AKT3: variants seen among roughly 807,000 people sequenced by gnomAD.
The protein encoded by AKT3 is RAC-gamma serine/threonine-protein kinase.
AKT3 carries 15 observed loss-of-function variants against 65.3 expected under a neutral mutation model. The ratio of observed to expected loss-of-function variants is 0.23; its 90% CI spans 0.15 to 0.35. The LOEUF (loss-of-function observed/expected upper bound fraction) is 0.35, where lower values mean the gene tolerates loss of function less well. Ranked by LOEUF, AKT3 falls within the 10% of genes least tolerant of loss-of-function variation. AKT3 has a pLI of 1.00. For missense variants in AKT3, 243 were observed against 576.5 expected (o/e 0.42, Z 5.92); for synonymous variants, 206 against 183.8 (o/e 1.12, Z -0.98).
At chr1:243,543,255 T>C (rs6697427) in intron 12 of AKT3, among the ~76,000 whole-genome samples, 274 of 152,290 alleles carry the variant, frequency 1.8e-3, no homozygotes, top group African/African-American at 6.4e-3. Flanking sequence ...ACTGGTATAC[T>C]GGTTGGGCTC....
chr1:243,686,977 T>C (rs1035324696), intron 3 of AKT3, among the ~76,000 whole-genome samples: 1 of 151,928 alleles, frequency 6.6e-6, no homozygotes, highest in Non-Finnish European at 1.5e-5. Flanking sequence ...ATGATCTCAC[T>C]TGATCCTCAC....
In AKT3 at chr1:243,695,712, T is replaced by C. The variant is rs1685015911; in HGVS notation, c.51A>G (p.Glu17=). 5.7e-6 allele frequency: 9 copies of C among 1,592,170 alleles called. No homozygotes were observed. Among genetic ancestry groups the C allele is most frequent in the Non-Finnish European group, 6.8e-6 (8 of 1,171,536 alleles). The change falls in exon 3 of 14, where the codon GAA becomes GAG. Residue 17 remains glutamate (E), a synonymous_variant. Transcript: ENST00000673466. ...ATCTTGGCCTCCAGTTTTTTATATA[T>C]TCTCCTACATGAGGAAAGCACGCAT... is the stretch of plus-strand genomic sequence containing the variant. ...VKEGWVQKRG[E]YIKNWRPRYF...
At chr1:243,573,189 G>T in intron 8 of AKT3, 141 bp from the exon 9 acceptor site, 1 of 945,272 alleles carries the variant, frequency 1.1e-6, no homozygotes, top group Non-Finnish European at 1.5e-6. Context: ...CTCTTAGACA[G>T]CAGCTGGCTT....
intron 2 of AKT3, among the ~76,000 whole-genome samples, chr1:243,810,886 T>A (rs1558834128): frequency 6.6e-6 from 1 of 152,134 alleles, no homozygotes; most frequent in Admixed American, 6.5e-5. Flanking sequence ...TGCAAATCAA[T>A]AAAGTAATCC....
chr1:243,741,614 ATTCAT>A (rs1316684492), intron 2 of AKT3, among the ~76,000 whole-genome samples: 1 of 152,136 alleles, frequency 6.6e-6, no homozygotes, highest in Admixed American at 6.6e-5. Flanking sequence ...CATGCTTTTT[ATTCAT>A]TTCAATTTCT....
At chr1:243,740,215 C>A (rs948731403) in intron 2 of AKT3, among the ~76,000 whole-genome samples, 1 of 152,146 alleles carries the variant, frequency 6.6e-6, no homozygotes, top group African/African-American at 2.4e-5. Context: ...AAATGCAGTA[C>A]AAAGTAATAC....
At chr1:243,785,409 C>T (rs1691200257) in intron 2 of AKT3, among the ~76,000 whole-genome samples, 1 of 151,952 alleles carries the variant, frequency 6.6e-6, no homozygotes, top group Admixed American at 6.6e-5. Context: ...ATTTTCTACA[C>T]AGAGAACACA....
At chr1:243,578,087 G>T (rs1302684719) in intron 8 of AKT3, among the ~76,000 whole-genome samples, 1 of 152,162 alleles carries the variant, frequency 6.6e-6, no homozygotes, top group Non-Finnish European at 1.5e-5. Flanking sequence ...ATGCTGGTGG[G>T]AATGTAAATG....
chr1:243,580,177 A>G (rs1159922028), intron 8 of AKT3, among the ~76,000 whole-genome samples: 1 of 152,096 alleles, frequency 6.6e-6, no homozygotes, highest in Non-Finnish European at 1.5e-5. Flanking sequence ...CATGACGTAC[A>G]CTCCAGATCC....
intron 12 of AKT3, among the ~76,000 whole-genome samples, chr1:243,537,432 A>C (rs1672009771): frequency 1.3e-5 from 2 of 152,198 alleles, no homozygotes; most frequent in South Asian, 4.1e-4. Flanking sequence ...CCTCTTCCTT[A>C]AACTTTCTCC....
intron 2 of AKT3, among the ~76,000 whole-genome samples, chr1:243,753,440 T>G (rs1207857924): frequency 6.6e-6 from 1 of 152,178 alleles, no homozygotes; most frequent in African/African-American, 2.4e-5. Context: ...AAATCTAGTA[T>G]CTTCAAAATT....
At chr1:243,629,708 C>T (rs1267900000) in intron 6 of AKT3, among the ~76,000 whole-genome samples, 1 of 152,150 alleles carries the variant, frequency 6.6e-6, no homozygotes, top group Non-Finnish European at 1.5e-5. Context: ...AGGAGAATGG[C>T]GTGAACCCAG....
At chr1:243,834,013 T>C (rs1694722830) in intron 2 of AKT3, among the ~76,000 whole-genome samples, 1 of 152,002 alleles carries the variant, frequency 6.6e-6, no homozygotes, top group African/African-American at 2.4e-5. Context: ...TCATCTTCAT[T>C]TTGAAGGATT....
At chr1:243,628,646 C>T (rs1679367950) in intron 6 of AKT3, among the ~76,000 whole-genome samples, 1 of 152,172 alleles carries the variant, frequency 6.6e-6, no homozygotes, top group Admixed American at 6.5e-5. Flanking sequence ...ATCTGTAAAG[C>T]TACCAGATCC....
intron 4 of AKT3, among the ~76,000 whole-genome samples, chr1:243,663,238 T>G (rs1682508308): frequency 6.6e-6 from 1 of 152,192 alleles, no homozygotes; most frequent in African/African-American, 2.4e-5. Flanking sequence ...GAAAAATATC[T>G]AAGTACCTAG....
At chr1:243,650,058 T>C (rs1681187236) in intron 4 of AKT3, among the ~76,000 whole-genome samples, 2 of 152,176 alleles carry the variant, frequency 1.3e-5, no homozygotes, top group African/African-American at 4.8e-5. Context: ...TATTTCTCCA[T>C]ATCCTCTCCA....
chr1:243,756,796 G>A (rs1386687741), intron 2 of AKT3, among the ~76,000 whole-genome samples: 1 of 152,136 alleles, frequency 6.6e-6, no homozygotes, highest in Admixed American at 6.5e-5. Flanking sequence ...GGACAAAAGA[G>A]TACCTCTACA....
At chr1:243,665,317 A>G (rs564211776) in intron 3 of AKT3, among the ~76,000 whole-genome samples, 2 of 152,192 alleles carry the variant, frequency 1.3e-5, no homozygotes, top group African/African-American at 2.4e-5. Context: ...CATCCTCTCT[A>G]TTCTCTTTAC....
At chr1:243,831,675 C>A (rs1694518481) in intron 2 of AKT3, among the ~76,000 whole-genome samples, 1 of 152,126 alleles carries the variant, frequency 6.6e-6, no homozygotes, top group Non-Finnish European at 1.5e-5. Context: ...AGCTTCTCTG[C>A]ATTCTCCACT....
Sources: gnomAD v4.1 joint callset for allele counts (sites outside exome capture counted in the v4.1 genomes callset) on GRCh38, gnomAD v4.1.1 for gene constraint, MANE v1.5 for transcripts, NCBI Gene and HGNC (gene_info 2026-07-23, HGNC 2026-07-21) for gene names.